INPP5K: variants seen among roughly 807,000 people sequenced by gnomAD.
INPP5K encodes the protein inositol polyphosphate 5-phosphatase K.
Under a neutral mutation model 53.5 loss-of-function variants are expected in INPP5K, and 35 were observed. The observed-to-expected ratio is 0.65, with a 90% confidence interval of 0.50 to 0.87. The LOEUF is 0.87. Among genes scored for constraint, INPP5K ranks in the 40% least tolerant of loss-of-function variants. INPP5K has a pLI of 0.00. For missense variants in INPP5K, 550 were observed against 586.2 expected (o/e 0.94, Z 0.64); for synonymous variants, 253 against 232.8 (o/e 1.09, Z -0.79).
chr17:1,502,160 T>G (rs372388577), intron 7 of INPP5K, among the ~76,000 whole-genome samples: 2 of 150,382 alleles, frequency 1.3e-5, no homozygotes, highest in Admixed American at 6.6e-5. Flanking sequence ...CCATCCTGGC[T>G]AACATGGTGA....
At chr17:1,501,858 AACACACACAC>A (rs144743570) in intron 7 of INPP5K, among the ~76,000 whole-genome samples, 2 of 147,734 alleles carry the variant, frequency 1.4e-5, no homozygotes, top group Non-Finnish European at 1.5e-5. Context: ...CTCTACTAAA[AACACACACAC>A]ACACACACAC....
At chr17:1,499,146 A>G (rs559723899) in intron 7 of INPP5K, among the ~76,000 whole-genome samples, 73 of 152,346 alleles carry the variant, frequency 4.8e-4, no homozygotes, top group African/African-American at 1.7e-3. Context: ...GATAAAGTAC[A>G]TAAAATGTTT....
At position 1,496,756 on chromosome 17, in the gene INPP5K, G is replaced by A; in HGVS notation, c.1011C>T (p.Asp337=). Residue 337 remains aspartate (D), a synonymous_variant, in exon 9 of 12, where the codon GAC becomes GAT. Coordinates refer to ENST00000421807, the MANE Select transcript of INPP5K (RefSeq NM_016532.4). ...SAPLIVLMPE[D]LWTVENDMMV... is the part of the protein sequence containing the mutation. ...TCATGTCATTTTCCACGGTCCACAG[G>A]TCCTCGGGCATCAGGACGATCAGCG... The A allele has an allele frequency of 6.2e-7, 1 of 1,614,196 alleles. No homozygotes were observed. The highest frequency in any genetic ancestry group is 8.5e-7 in the Non-Finnish European group (1 of 1,180,024).
chr17:1,508,231 AG>A lies in INPP5K; in HGVS notation c.555-6del. ...TCTCCAAACCAGATAATGAGGCTTC[AG>A]AAAAAAAGGAGGGCAGCCTGAGGAT... is the stretch of plus-strand genomic sequence containing the variant. On this transcript the variant is annotated splice_region_variant and splice_polypyrimidine_tract_variant and intron_variant, in intron 5 of 11. Coordinates refer to ENST00000421807, the MANE Select transcript of INPP5K (RefSeq NM_016532.4). The A allele has an allele frequency of 6.2e-7, 1 of 1,607,288 alleles. No individual in the cohort carries two copies. Among genetic ancestry groups the A allele is most frequent in the Non-Finnish European group, 8.5e-7 (1 of 1,173,774 alleles).
intron 6 of INPP5K, chr17:1,507,681 C>T (rs2075193514): frequency 6.3e-6 from 1 of 159,292 alleles, no homozygotes; most frequent in South Asian, 1.7e-4. Context: ...GCTGGGATTA[C>T]AGGCACGTGC....
Position 1,494,844 on chromosome 17 carries a change from C to A in INPP5K, c.*979G>T, listed in dbSNP as rs2074785448. On this transcript the variant is annotated 3_prime_UTR_variant, in exon 12 of 12. Transcript: ENST00000421807. ...GCTGGATGTGGGGACAGGCCATGTC[C>A]CCAAAGCCCCTAGAGGGTGTTCTCT... 1 of 152,216 alleles carries A rather than the reference C, an allele frequency of 6.6e-6. No individual in the cohort carries two copies. Among genetic ancestry groups the A allele is most frequent in the African/African-American group, 2.4e-5 (1 of 41,426 alleles). 9.4% of individuals were successfully genotyped at this position (152,216 alleles called of 1,614,324 possible).
At chr17:1,504,190 C>A (rs1039339766) in intron 7 of INPP5K, among the ~76,000 whole-genome samples, 1 of 152,170 alleles carries the variant, frequency 6.6e-6, no homozygotes, top group Non-Finnish European at 1.5e-5. Context: ...TAAATCAGAT[C>A]GTCTCTGCTC....
intron 1 of INPP5K, chr17:1,516,195 A>C: frequency 9.9e-7 from 1 of 1,007,764 alleles, no homozygotes; most frequent in Non-Finnish European, 1.3e-6. Context: ...ACCTCAAACA[A>C]CCCCACACGG....
intron 1 of INPP5K, 37 bp downstream of exon 1, chr17:1,516,419 C>G (rs182853610): frequency 1.3e-6 from 2 of 1,576,750 alleles, no homozygotes. Context: ...GCCGATCCCC[C>G]CGAGCAGGCC....
At position 1,516,350 on chromosome 17, in the gene INPP5K, C is replaced by G. The variant is rs550640175; in HGVS notation, c.44+106G>C. 19 of 1,272,458 alleles carry G rather than the reference C, an allele frequency of 1.5e-5. No homozygotes were observed. In the East Asian group the frequency reaches 3.4e-4, roughly 23 times the overall value. The allele number at this position is 1,272,458 out of a possible 1,614,324, so 78.8% of individuals were successfully genotyped here. A position where few individuals can be genotyped will look rare whatever the true frequency, so the allele number is the denominator to read the frequency against. ...GGGAGAAGGCGAGAGCGCCTCTGAA[C>G]CAAAGGCAGTCATGGAGGTCTGGTG... On this transcript the variant is annotated intron_variant, in intron 1 of 11. Transcript: ENST00000421807.
At chr17:1,509,927 T>C in intron 3 of INPP5K, 128 bp from the exon 4 acceptor site, 1 of 608,788 alleles carries the variant, frequency 1.6e-6, no homozygotes, top group South Asian at 2.2e-5. Context: ...GGGTCTACGA[T>C]ATCCCAGTTT....
chr17:1,497,097 A>C (rs1426681311), intron 8 of INPP5K, among the ~76,000 whole-genome samples: 1 of 152,216 alleles, frequency 6.6e-6, no homozygotes, highest in African/African-American at 2.4e-5. Context: ...GCGGCCAGGC[A>C]GCTGCTCTCA....
intron 3 of INPP5K, among the ~76,000 whole-genome samples, chr17:1,510,981 A>C (rs994282479): frequency 1.2e-4 from 19 of 152,280 alleles, no homozygotes; most frequent in African/African-American, 4.3e-4. Context: ...AAAACCCATC[A>C]AAGTGTACAC....
Position 1,494,591 on chromosome 17 carries a change from A to G in INPP5K, c.*1232T>C, listed in dbSNP as rs1204462225. 1 of 152,200 alleles carries G rather than the reference A, an allele frequency of 6.6e-6. No homozygotes were observed. Among genetic ancestry groups the G allele is most frequent in the Admixed American group, 6.5e-5 (1 of 15,270 alleles). The allele number at this position is 152,200 out of a possible 1,614,324, so 9.4% of individuals were successfully genotyped here. The stretch of plus-strand genomic sequence containing the variant: ...ACACGCAAGTGTAAAAGCCACGCTA[A>G]TAATTACCCCTGCACAATGTAACAG... On this transcript the variant is annotated 3_prime_UTR_variant, in exon 12 of 12. Coordinates refer to ENST00000421807, the MANE Select transcript of INPP5K (RefSeq NM_016532.4).
Position 1,495,246 on chromosome 17 carries a change from G to T in INPP5K, c.*577C>A, listed in dbSNP as rs1201964914. On this transcript the variant is annotated 3_prime_UTR_variant, in exon 12 of 12. Coordinates refer to ENST00000421807, the MANE Select transcript of INPP5K (RefSeq NM_016532.4). ...TCATCAACCTGCTCATAACCATGGC[G>T]TAAGAGCCTGGCTAGAGGGGCCCCT... The T allele has an allele frequency of 1.3e-5, 2 of 152,430 alleles. No individual in the cohort carries two copies. Among genetic ancestry groups the T allele is most frequent in the Non-Finnish European group, 2.9e-5 (2 of 68,212 alleles). 9.4% of individuals were successfully genotyped at this position (152,430 alleles called of 1,614,324 possible).
In INPP5K at chr17:1,513,358, G is replaced by C. The variant is rs2075351807; in HGVS notation, c.261+95C>G. ...CAAATGGGAAACAGCATGAAAGGCTGAGCAGGAGTAAGAGGAACACATCAG... is the reference window on the plus strand; with the variant it reads ...CAAATGGGAAACAGCATGAAAGGCTCAGCAGGAGTAAGAGGAACACATCAG... On this transcript the variant is annotated intron_variant, in intron 3 of 11. Transcript: ENST00000421807. The C allele has an allele frequency of 8.0e-6, 8 of 999,386 alleles. No homozygotes were observed. The South Asian group carries it at 1.0e-4, about 13-fold the overall frequency. 61.9% of individuals were successfully genotyped at this position (999,386 alleles called of 1,614,324 possible). A position where few individuals can be genotyped will look rare whatever the true frequency, so the allele number is the denominator to read the frequency against.
chr17:1,511,333 T>C (rs1170908107), intron 3 of INPP5K, among the ~76,000 whole-genome samples: 2 of 152,190 alleles, frequency 1.3e-5, no homozygotes, highest in Non-Finnish European at 2.9e-5. Flanking sequence ...ATCCCTACTA[T>C]CTGCAGCTGC....
chr17:1,510,085 G>C (rs1598386923), intron 3 of INPP5K, among the ~76,000 whole-genome samples: 2 of 152,236 alleles, frequency 1.3e-5, no homozygotes, highest in Admixed American at 1.3e-4. Context: ...GTTAGATCTG[G>C]GTTCAAACCC....
intron 7 of INPP5K, among the ~76,000 whole-genome samples, chr17:1,505,864 G>A (rs1346161879): frequency 6.6e-6 from 1 of 152,134 alleles, no homozygotes; most frequent in Non-Finnish European, 1.5e-5. Flanking sequence ...CATGTAAGGG[G>A]CTCTTCTTTT....
Sources: allele counts gnomAD v4.1 joint callset (sites outside exome capture counted in the v4.1 genomes callset), GRCh38; gene constraint gnomAD v4.1.1; transcripts MANE v1.5; gene names NCBI Gene and HGNC (gene_info 2026-07-23, HGNC 2026-07-21).